AKR1B10: variants seen among roughly 807,000 people sequenced by gnomAD.
The protein encoded by AKR1B10 is ARP.
AKR1B10 carries 39 observed loss-of-function variants against 38.9 expected under a neutral mutation model. The observed-to-expected ratio is 1.00, with a 90% CI of 0.78 to 1.31. AKR1B10 has a LOEUF of 1.31. AKR1B10 is among the 50% of genes most tolerant of loss of function. The pLI, the probability that AKR1B10 is intolerant of heterozygous loss-of-function variation, is 0.00. For missense variants in AKR1B10, 361 were observed against 382.6 expected (o/e 0.94, Z 0.47); for synonymous variants, 148 against 141.2 (o/e 1.05, Z -0.34).
chr7:134,535,377 C>T (rs1462042770), intron 4 of AKR1B10, among the ~76,000 whole-genome samples: 1 of 152,014 alleles, frequency 6.6e-6, no homozygotes, highest in Admixed American at 6.6e-5. Flanking sequence ...TTCCAATCCT[C>T]CTGTCACCTC....
Position 134,529,879 on chromosome 7 carries a change from A to G in AKR1B10, c.67-764A>G, listed in dbSNP as rs533918517. Among the ~76,000 whole-genome samples, 216 of 150,792 alleles carry G rather than the reference A, an allele frequency of 1.4e-3. 3 individuals are homozygous for G. Among genetic ancestry groups the G allele is most frequent in the Non-Finnish European group, 2.1e-3 (140 of 67,760 alleles). On this transcript the variant is annotated intron_variant, in intron 1 of 9. Transcript: ENST00000359579. ...TTTACAGGAGTGGAAAACAAACTCT[A>G]TTCCTATAAGGTTTTCTATTTCTCT...
At chr7:134,534,434 TATG>T (rs1414343935) in intron 4 of AKR1B10, among the ~76,000 whole-genome samples, 1 of 152,186 alleles carries the variant, frequency 6.6e-6, no homozygotes, top group African/African-American at 2.4e-5. Flanking sequence ...TTGCATTACA[TATG>T]ATAAGATTTT....
chr7:134,536,051 C>T (rs1302939492), intron 4 of AKR1B10, among the ~76,000 whole-genome samples: 2 of 152,184 alleles, frequency 1.3e-5, no homozygotes, highest in East Asian at 3.9e-4. Context: ...GGCTTCAGTC[C>T]CACACAACTC....
chr7:134,532,775 G>T (rs1163541722), intron 3 of AKR1B10, among the ~76,000 whole-genome samples: 1 of 152,186 alleles, frequency 6.6e-6, no homozygotes, highest in Non-Finnish European at 1.5e-5. Context: ...CTTCTGGAAT[G>T]TACTAGCAGC....
At chr7:134,528,645 A>T (rs1054383486) in intron 1 of AKR1B10, among the ~76,000 whole-genome samples, 5 of 152,060 alleles carry the variant, frequency 3.3e-5, no homozygotes, top group Admixed American at 3.3e-4. Context: ...TTGAGTGTTG[A>T]GCCTGAGGGG....
In AKR1B10 at chr7:134,537,138, G is replaced by A. The variant is rs772931851; in HGVS notation, c.640G>A (p.Gly214Ser). Residue 214 changes from glycine (G) to serine (S), a missense_variant, in exon 6 of 10, where the codon GGC (glycine) becomes AGC (serine). Coordinates refer to ENST00000359579, the MANE Select transcript of AKR1B10 (RefSeq NM_020299.5). Reference protein sequence around the residue: ...GITVTAYSPLGSPDRPWAKPE... With the variant: ...GITVTAYSPLSSPDRPWAKPE... ...CACCGTTACGGCCTACAGCCCCCTG[G>A]GCTCTCCGGATAGACCTTGGTGAGG... The A allele has an allele frequency of 1.9e-6, 3 of 1,596,360 alleles. No homozygotes were observed. In the South Asian group the frequency reaches 3.4e-5, roughly 18 times the overall value.
chr7:134,538,359 T>C, intron 8 of AKR1B10, 82 bp downstream of exon 8: 1 of 1,354,894 alleles, frequency 7.4e-7, no homozygotes, highest in African/African-American at 1.5e-5. Context: ...TCTCACCTCA[T>C]CGCTGCATTG....
chr7:134,528,867 C>T (rs547989867), intron 1 of AKR1B10, among the ~76,000 whole-genome samples: 1 of 152,318 alleles, frequency 6.6e-6, no homozygotes, highest in South Asian at 2.1e-4. Context: ...ACATTGAAAT[C>T]TGCAACATGC....
At chr7:134,534,923 A>G (rs1431667392) in intron 4 of AKR1B10, among the ~76,000 whole-genome samples, 1 of 152,168 alleles carries the variant, frequency 6.6e-6, no homozygotes, top group African/African-American at 2.4e-5. Context: ...AAAAATCCCA[A>G]CGTCTAGGCT....
Position 134,540,315 on chromosome 7 carries a change from T to C in AKR1B10, c.909-732T>C, listed in dbSNP as rs552176569. Reference sequence around the variant, plus strand: ...CCCTAAGTATCATAGGAGCCTTTCCTCATCTTACAATGGCTTACTTTTATT... The same window carrying C: ...CCCTAAGTATCATAGGAGCCTTTCCCCATCTTACAATGGCTTACTTTTATT... On this transcript the variant is annotated intron_variant, in intron 9 of 9. Transcript: ENST00000359579. Among the ~76,000 whole-genome samples the C allele has an allele frequency of 3.9e-5, 6 of 152,300 alleles. No individual in the cohort carries two copies. In the South Asian group the frequency reaches 1.2e-3, roughly 32 times the overall value.
chr7:134,532,088 C>G, intron 3 of AKR1B10, 64 bp downstream of exon 3: 3 of 1,590,770 alleles, frequency 1.9e-6, no homozygotes, highest in Non-Finnish European at 2.6e-6. Flanking sequence ...AGTAGCTGCA[C>G]CAGGGCTGTG....
chr7:134,536,355 CCT>C (rs1438522190), intron 4 of AKR1B10, among the ~76,000 whole-genome samples: 1 of 16,638 alleles, frequency 6.0e-5, no homozygotes, highest in Admixed American at 8.1e-4. Context: ...TCATATTTCC[CCT>C]GTGTACAGGA....
Position 134,531,895 on chromosome 7 carries a change from A to G in AKR1B10, c.235-13A>G, listed in dbSNP as rs753912533. 2.5e-6 allele frequency: 4 copies of G among 1,613,876 alleles called. No homozygotes were observed. The highest frequency in any genetic ancestry group is 3.4e-6 in the Non-Finnish European group (4 of 1,179,798). On this transcript the variant is annotated splice_polypyrimidine_tract_variant and intron_variant, in intron 2 of 9. Transcript: ENST00000359579. ...TTCCCAGTATTAATAGCTCATTGCT[A>G]CACTCTTTGCAGTTGTGGCCCACTT... is the stretch of plus-strand genomic sequence containing the variant.
At chr7:134,529,535 G>GTGTA (rs894006870) in intron 1 of AKR1B10, among the ~76,000 whole-genome samples, 1 of 152,170 alleles carries the variant, frequency 6.6e-6, no homozygotes, top group African/African-American at 2.4e-5. Context: ...GTGAAGAAGG[G>GTGTA]TGTAGCGTAG....
Position 134,527,746 on chromosome 7 carries a change from T to C in AKR1B10, c.-166T>C, listed in dbSNP as rs540105444. On this transcript the variant is annotated 5_prime_UTR_variant, in exon 1 of 10. Transcript: ENST00000359579. Reference sequence around the variant, plus strand: ...CTGTAATCCCAGCTACTCGGGAGGCTGAGGCAGGAGAATTGCTTGAACCCA... The same window carrying C: ...CTGTAATCCCAGCTACTCGGGAGGCCGAGGCAGGAGAATTGCTTGAACCCA... 1.6e-4 allele frequency: 141 copies of C among 871,768 alleles called. No homozygotes were observed. In the African/African-American group the frequency reaches 2.1e-3, roughly 13 times the overall value. 54.0% of individuals were successfully genotyped at this position (871,768 alleles called of 1,614,324 possible). A position where few individuals can be genotyped will look rare whatever the true frequency, so the allele number is the denominator to read the frequency against.
intron 8 of AKR1B10, 116 bp downstream of exon 8, chr7:134,538,393 C>T (rs1808069797): frequency 1.9e-6 from 2 of 1,035,298 alleles, no homozygotes; most frequent in Non-Finnish European, 2.9e-6. Flanking sequence ...CCCTTCCCAC[C>T]ACCCTATCAT....
intron 9 of AKR1B10, 109 bp from the exon 10 acceptor site, chr7:134,540,938 G>C: frequency 2.5e-6 from 2 of 812,698 alleles, no homozygotes; most frequent in Admixed American, 2.1e-5. Context: ...AGGAGGCTAA[G>C]AGAGCACAAA....
At chr7:134,530,568 C>A in intron 1 of AKR1B10, 75 bp from the exon 2 acceptor site, 1 of 1,555,464 alleles carries the variant, frequency 6.4e-7, no homozygotes, top group South Asian at 1.2e-5. Context: ...AGTGTGAGGC[C>A]AGCCTGGGCA....
At chr7:134,533,123 T>C (rs374600504) in intron 4 of AKR1B10, 42 bp downstream of exon 4, 4 of 1,495,490 alleles carry the variant, frequency 2.7e-6, no homozygotes, top group East Asian at 4.8e-5. Flanking sequence ...GAGAGAAATC[T>C]TCAGTTATCC....
Sources: allele counts gnomAD v4.1 joint callset (sites outside exome capture counted in the v4.1 genomes callset), GRCh38; gene constraint gnomAD v4.1.1; transcripts MANE v1.5; gene names NCBI Gene and HGNC (gene_info 2026-07-23, HGNC 2026-07-21).